The following GPC5 variants were observed in gnomAD, a reference collection of about 807,000 sequenced individuals.
GPC5 encodes glypican 5.
In GPC5, 47 loss-of-function variants were observed where a neutral mutation model predicts 53.9. That is an observed-to-expected ratio of 0.87 (90% confidence interval 0.69 to 1.11). The LOEUF is 1.11. Ranked by LOEUF, GPC5 falls within the 50% of genes most tolerant of loss-of-function variation. The pLI, the probability that GPC5 is intolerant of heterozygous loss-of-function variation, is 0.00. For synonymous variants in GPC5, 286 were observed against 263.3 expected, an observed-to-expected ratio of 1.09 and a Z score of -0.84; for missense variants, 748 against 713.1, an observed-to-expected ratio of 1.05 and a Z score of -0.56.
intron 7 of GPC5, among the ~76,000 whole-genome samples, chr13:92,858,531 C>G (rs1175996451): frequency 6.6e-6 from 1 of 152,116 alleles, no homozygotes; most frequent in African/African-American, 2.4e-5. Flanking sequence ...AGCTGGAGAC[C>G]ATTACCCTAG....
At chr13:91,577,383 A>G (rs1438129687) in intron 2 of GPC5, among the ~76,000 whole-genome samples, 1 of 152,112 alleles carries the variant, frequency 6.6e-6, no homozygotes, top group Non-Finnish European at 1.5e-5. Flanking sequence ...TGGTCTTTCC[A>G]CCACTTTTCT....
chr13:91,564,494 C>T (rs894793324), intron 2 of GPC5, among the ~76,000 whole-genome samples: 7 of 152,126 alleles, frequency 4.6e-5, no homozygotes, highest in African/African-American at 1.7e-4. Flanking sequence ...GGGATACAGA[C>T]AGATATGAAT....
intron 7 of GPC5, among the ~76,000 whole-genome samples, chr13:92,481,105 C>A (rs1321024208): frequency 7.7e-6 from 1 of 129,158 alleles, no homozygotes; most frequent in East Asian, 3.6e-4. Flanking sequence ...TATTTTTTTG[C>A]ATTTTTTTTT....
At chr13:92,839,851 T>A (rs934552690) in intron 7 of GPC5, among the ~76,000 whole-genome samples, 1 of 151,872 alleles carries the variant, frequency 6.6e-6, no homozygotes, top group African/African-American at 2.4e-5. Context: ...CTTCCACGTA[T>A]CTTATCAGTA....
intron 7 of GPC5, among the ~76,000 whole-genome samples, chr13:92,167,371 C>T (rs1220136579): frequency 1.3e-5 from 2 of 152,030 alleles, no homozygotes; most frequent in African/African-American, 2.4e-5. Context: ...AAGGAATAAG[C>T]TCAGTTTGCA....
intron 4 of GPC5, among the ~76,000 whole-genome samples, chr13:91,731,667 A>G (rs1016082780): frequency 1.3e-5 from 2 of 151,924 alleles, no homozygotes; most frequent in African/African-American, 4.8e-5. Flanking sequence ...ATTTGTCCTC[A>G]TGCTCTCCCT....
intron 7 of GPC5, among the ~76,000 whole-genome samples, chr13:92,625,236 T>C (rs1326263675): frequency 2.0e-5 from 3 of 152,204 alleles, no homozygotes; most frequent in Non-Finnish European, 2.9e-5. Context: ...AATTCACATA[T>C]TAAATTAGTT....
intron 7 of GPC5, among the ~76,000 whole-genome samples, chr13:92,231,771 G>C (rs993002593): frequency 5.3e-5 from 8 of 152,058 alleles, no homozygotes; most frequent in African/African-American, 9.7e-5. Context: ...TTTGAGACCA[G>C]CCGGGCCAAC....
chr13:92,146,921 T>A (rs576425751), intron 7 of GPC5, among the ~76,000 whole-genome samples: 20 of 152,070 alleles, frequency 1.3e-4, no homozygotes, highest in Non-Finnish European at 2.6e-4. Context: ...TTGATGGGCA[T>A]TTGGGCTGAT....
intron 7 of GPC5, among the ~76,000 whole-genome samples, chr13:92,268,570 G>A (rs1341564172): frequency 6.6e-6 from 1 of 150,780 alleles, no homozygotes; most frequent in Non-Finnish European, 1.5e-5. Flanking sequence ...GGATATTTAG[G>A]TAATATCTTT....
intron 4 of GPC5, among the ~76,000 whole-genome samples, chr13:91,730,331 G>T (rs2036669374): frequency 6.6e-6 from 1 of 152,168 alleles, no homozygotes; most frequent in African/African-American, 2.4e-5. Context: ...CATTGAAATA[G>T]ATGAGCAATG....
At chr13:92,014,827 T>G (rs776065871) in intron 6 of GPC5, among the ~76,000 whole-genome samples, 7 of 152,194 alleles carry the variant, frequency 4.6e-5, no homozygotes, top group Non-Finnish European at 8.8e-5. Context: ...TGCACTCAGA[T>G]CTATGCATTA....
intron 5 of GPC5, among the ~76,000 whole-genome samples, chr13:91,873,231 T>A (rs543556601): frequency 1.3e-5 from 2 of 152,218 alleles, no homozygotes; most frequent in Admixed American, 6.5e-5. Context: ...TTTAAGTGTT[T>A]CTGGGAAGTA....
At chr13:91,648,967 T>A (rs1446789073) in intron 2 of GPC5, among the ~76,000 whole-genome samples, 2 of 152,164 alleles carry the variant, frequency 1.3e-5, no homozygotes, top group African/African-American at 4.8e-5. Flanking sequence ...CCATGTGTCA[T>A]GGGAGGGACC....
chr13:91,801,914 C>G (rs1048460747), intron 5 of GPC5, among the ~76,000 whole-genome samples: 1 of 152,168 alleles, frequency 6.6e-6, no homozygotes, highest in African/African-American at 2.4e-5. Flanking sequence ...CTTCATCATA[C>G]CACATTCCTA....
At chr13:91,463,049 C>T (rs1167677289) in intron 2 of GPC5, among the ~76,000 whole-genome samples, 1 of 152,020 alleles carries the variant, frequency 6.6e-6, no homozygotes, top group Non-Finnish European at 1.5e-5. Flanking sequence ...ATACAGTCAC[C>T]TTTGATATCT....
At chr13:92,266,934 A>T (rs1204861132) in intron 7 of GPC5, among the ~76,000 whole-genome samples, 1 of 152,070 alleles carries the variant, frequency 6.6e-6, no homozygotes, top group Non-Finnish European at 1.5e-5. Flanking sequence ...GCACTGCAAA[A>T]ACAGAAGTTT....
At chr13:92,455,992 G>GA (rs1399664046) in intron 7 of GPC5, among the ~76,000 whole-genome samples, 2 of 152,128 alleles carry the variant, frequency 1.3e-5, no homozygotes, top group Non-Finnish European at 2.9e-5. Context: ...CTCAAATAGA[G>GA]AAAACACAGA....
intron 2 of GPC5, among the ~76,000 whole-genome samples, chr13:91,653,852 A>G (rs562298622): frequency 6.6e-6 from 1 of 152,298 alleles, no homozygotes; most frequent in East Asian, 1.9e-4. Context: ...ACAGTTTGAT[A>G]CATTTTGACC....
Sources: allele counts gnomAD v4.1 joint callset (sites outside exome capture counted in the v4.1 genomes callset), GRCh38; gene constraint gnomAD v4.1.1; transcripts MANE v1.5; gene names NCBI Gene and HGNC (gene_info 2026-07-23, HGNC 2026-07-21).